Variants in CELF2 observed in about 807,000 individuals in gnomAD.
The protein encoded by CELF2 is CUGBP Elav-like family member 2.
Under a neutral mutation model 62.6 loss-of-function variants are expected in CELF2, and 8 were observed. The ratio of observed to expected loss-of-function variants is 0.13; its 90% CI spans 0.07 to 0.23. The LOEUF (loss-of-function observed/expected upper bound fraction) is 0.23, where lower values mean the gene tolerates loss of function less well. Among genes scored for constraint, CELF2 ranks in the 10% least tolerant of loss-of-function variants. CELF2 has a pLI of 1.00. For missense variants in CELF2, 333 were observed against 671.0 expected (o/e 0.50, Z 5.56); for synonymous variants, 258 against 250.0 (o/e 1.03, Z -0.30).
chr10:10,711,819 T>C, the CELF2 span, among the ~76,000 whole-genome samples: 1 of 151,912 alleles, frequency 6.6e-6, no homozygotes, highest in African/African-American at 2.4e-5. Context: ...AAGGTGGAGG[T>C]TGCAGTGAGC....
intron 3 of CELF2, among the ~76,000 whole-genome samples, chr10:11,233,945 A>G (rs572103805): frequency 2.9e-4 from 44 of 152,360 alleles, no homozygotes; most frequent in African/African-American, 1.1e-3. Flanking sequence ...CCCTACACCC[A>G]CAGGCATATG....
chr10:11,032,944 G>A (rs1484029005), intron 1 of CELF2, among the ~76,000 whole-genome samples: 3 of 152,144 alleles, frequency 2.0e-5, no homozygotes, highest in Non-Finnish European at 4.4e-5. Context: ...AATGTATGTT[G>A]GGTTTTGGAC....
intron 3 of CELF2, among the ~76,000 whole-genome samples, chr10:11,233,482 G>GT (rs1438348105): frequency 1.3e-5 from 2 of 152,168 alleles, no homozygotes; most frequent in Non-Finnish European, 2.9e-5. Context: ...CCAGCCAAAT[G>GT]TTTATCTGAA....
At chr10:10,501,933 A>G in the CELF2 span, among the ~76,000 whole-genome samples, 3 of 152,142 alleles carry the variant, frequency 2.0e-5, no homozygotes, top group Non-Finnish European at 4.4e-5. Context: ...GCAAGCAAAG[A>G]AGTTGCCCCC....
chr10:11,116,150 C>T (rs887576143), intron 1 of CELF2, among the ~76,000 whole-genome samples: 2 of 152,204 alleles, frequency 1.3e-5, no homozygotes, highest in Non-Finnish European at 2.9e-5. Flanking sequence ...TGAATTGCTT[C>T]TCTGCAAGAA....
chr10:11,123,161 G>GTT, intron 1 of CELF2, among the ~76,000 whole-genome samples: 1 of 152,278 alleles, frequency 6.6e-6, no homozygotes, highest in Admixed American at 6.5e-5. Flanking sequence ...ACTTTTTACA[G>GTT]CCATGAAGAT....
intron 2 of CELF2, among the ~76,000 whole-genome samples, chr10:10,982,670 G>C (rs1339387821): frequency 6.6e-6 from 1 of 152,152 alleles, no homozygotes; most frequent in Non-Finnish European, 1.5e-5. Flanking sequence ...TGATCTGAAG[G>C]GAAGAAGTTG....
chr10:10,631,873 C>A, the CELF2 span, among the ~76,000 whole-genome samples: 1 of 152,156 alleles, frequency 6.6e-6, no homozygotes, highest in African/African-American at 2.4e-5. Flanking sequence ...GGGCAATTTA[C>A]AAGAGGTAGG....
the CELF2 span, among the ~76,000 whole-genome samples, chr10:10,687,030 C>T: frequency 6.6e-6 from 1 of 152,192 alleles, no homozygotes; most frequent in African/African-American, 2.4e-5. Context: ...CAGGAACTGG[C>T]AGCATATGCT....
chr10:10,758,641 G>A, the CELF2 span, among the ~76,000 whole-genome samples: 1 of 152,158 alleles, frequency 6.6e-6, no homozygotes, highest in African/African-American at 2.4e-5. Flanking sequence ...GAAAATAAAT[G>A]TACTAAATCA....
intron 1 of CELF2, among the ~76,000 whole-genome samples, chr10:10,894,055 C>T (rs2062360114): frequency 6.6e-6 from 1 of 151,422 alleles, no homozygotes; most frequent in African/African-American, 2.4e-5. Context: ...GAATGTGAGT[C>T]AGAAGCTTAC....
the CELF2 span, among the ~76,000 whole-genome samples, chr10:10,495,922 C>G: frequency 6.6e-6 from 1 of 152,186 alleles, no homozygotes; most frequent in Non-Finnish European, 1.5e-5. Flanking sequence ...GAGTGATATT[C>G]CAACCTGTGT....
the CELF2 span, among the ~76,000 whole-genome samples, chr10:10,621,042 T>C: frequency 6.8e-6 from 1 of 148,102 alleles, no homozygotes; most frequent in Non-Finnish European, 1.5e-5. Context: ...GCTAACACGG[T>C]GAAACCCCGT....
chr10:10,985,154 G>A (rs777777831), intron 2 of CELF2, among the ~76,000 whole-genome samples: 4 of 152,074 alleles, frequency 2.6e-5, no homozygotes, highest in Non-Finnish European at 5.9e-5. Context: ...CCATTTCAAG[G>A]AAATGTTCTT....
the CELF2 span, among the ~76,000 whole-genome samples, chr10:10,608,798 A>T: frequency 6.6e-6 from 1 of 152,194 alleles, no homozygotes; most frequent in African/African-American, 2.4e-5. Context: ...TATTATCTGG[A>T]ATTCCTCCGT....
the CELF2 span, among the ~76,000 whole-genome samples, chr10:10,552,708 C>A: frequency 6.6e-6 from 1 of 152,136 alleles, no homozygotes; most frequent in Non-Finnish European, 1.5e-5. Context: ...CAGAGAGATC[C>A]CATGGGGAGC....
At chr10:10,811,282 A>T (rs1432580307) in intron 1 of CELF2, among the ~76,000 whole-genome samples, 1 of 152,180 alleles carries the variant, frequency 6.6e-6, no homozygotes, top group Non-Finnish European at 1.5e-5. Flanking sequence ...TGCAGTAGGG[A>T]TGCACTTCCA....
the CELF2 span, among the ~76,000 whole-genome samples, chr10:10,704,454 C>G: frequency 3.3e-5 from 5 of 152,134 alleles, no homozygotes; most frequent in South Asian, 1.0e-3. Flanking sequence ...TTGAAATTAT[C>G]TAAATGATTT....
chr10:10,921,932 G>A (rs533871677), intron 2 of CELF2, among the ~76,000 whole-genome samples: 1 of 152,300 alleles, frequency 6.6e-6, no homozygotes, highest in East Asian at 1.9e-4. Context: ...CCTAGAAACT[G>A]TTGGAAGTAG....
Sources: allele counts gnomAD v4.1 joint callset (sites outside exome capture counted in the v4.1 genomes callset), GRCh38; gene constraint gnomAD v4.1.1; transcripts MANE v1.5; gene names NCBI Gene and HGNC (gene_info 2026-07-23, HGNC 2026-07-21).